The following IL1RAP variants were observed in gnomAD, a reference collection of about 807,000 sequenced individuals.
The protein encoded by IL1RAP is interleukin-1 receptor accessory protein.
A neutral mutation model predicts 60.7 loss-of-function variants in IL1RAP; 35 were observed. That is an observed-to-expected ratio of 0.58 (90% CI 0.44 to 0.76). The LOEUF is 0.76. IL1RAP is among the 30% of genes least tolerant of loss of function. The pLI is 0.00. For missense variants in IL1RAP, 572 were observed against 693.9 expected, an observed-to-expected ratio of 0.82 and a Z score of 1.97; for synonymous variants, 268 against 250.9, an observed-to-expected ratio of 1.07 and a Z score of -0.64.
intron 1 of IL1RAP, among the ~76,000 whole-genome samples, chr3:190,532,775 C>T (rs942603045): frequency 6.6e-6 from 1 of 150,840 alleles, no homozygotes; most frequent in African/African-American, 2.4e-5. Context: ...TTATAACAGG[C>T]GTTTAGTTAG....
chr3:190,555,286 T>G (rs1274864925), intron 1 of IL1RAP, among the ~76,000 whole-genome samples: 1 of 152,170 alleles, frequency 6.6e-6, no homozygotes, highest in Admixed American at 6.5e-5. Flanking sequence ...CCAAGTGATG[T>G]GCTCCTTCCT....
rs529386394 is a variant in IL1RAP at position 190,636,463 on chromosome 3, G to A, written c.1051+6965G>A. ...TTGACTCTTAAATTGTGAAATGTCC[G>A]TTTTTTCTCTGTTAATACTCTGTGT... On this transcript the variant is annotated intron_variant, in intron 9 of 11. Transcript: ENST00000447382. Among the ~76,000 whole-genome samples, 11 of 151,962 alleles carry A rather than the reference G, an allele frequency of 7.2e-5. No homozygotes were observed. In the South Asian group the frequency reaches 8.3e-4, roughly 11 times the overall value.
chr3:190,629,933 T>A, intron 9 of IL1RAP: 1 of 941,760 alleles, frequency 1.1e-6, no homozygotes, highest in Non-Finnish European at 1.3e-6. Context: ...CCTAAGACTT[T>A]CGGAATTTTT....
At chr3:190,633,189 C>A (rs1042944187) in intron 9 of IL1RAP, among the ~76,000 whole-genome samples, 2 of 152,092 alleles carry the variant, frequency 1.3e-5, no homozygotes, top group African/African-American at 4.8e-5. Flanking sequence ...AAATTGAAAT[C>A]TTAACAATAC....
intron 1 of IL1RAP, among the ~76,000 whole-genome samples, chr3:190,525,187 G>A (rs1229507462): frequency 6.6e-6 from 1 of 152,120 alleles, no homozygotes; most frequent in African/African-American, 2.4e-5. Context: ...AGAAGAAATA[G>A]AAGTGATTTC....
At chr3:190,658,115 G>A (rs190181959) in exon 12 of IL1RAP, 3 of 149,884 alleles carry the variant, frequency 2.0e-5, no homozygotes, top group African/African-American at 7.3e-5. Context: ...GTCACTAATT[G>A]AGCCCCAATG....
At chr3:190,618,019 C>T (rs1454268909) in intron 5 of IL1RAP, among the ~76,000 whole-genome samples, 1 of 152,188 alleles carries the variant, frequency 6.6e-6, no homozygotes, top group Non-Finnish European at 1.5e-5. Context: ...TTCTCATCCT[C>T]AAAAGTGTGC....
downstream of IL1RAP, chr3:190,656,172 T>C (rs1346880473): frequency 6.5e-7 from 1 of 1,537,284 alleles, no homozygotes; most frequent in Non-Finnish European, 8.7e-7. Context: ...TGCGGTTGGC[T>C]CTTCCCCTGA....
chr3:190,556,273 TAA>T (rs1276450391), intron 2 of IL1RAP, 57 bp downstream of exon 2: 1 of 152,108 alleles, frequency 6.6e-6, no homozygotes, highest in Non-Finnish European at 1.5e-5. Context: ...TTATCGACTT[TAA>T]GTTCTCTACC....
intron 1 of IL1RAP, among the ~76,000 whole-genome samples, chr3:190,536,859 A>G (rs1028021594): frequency 6.6e-6 from 1 of 152,178 alleles, no homozygotes; most frequent in Non-Finnish European, 1.5e-5. Context: ...AGCATCTTTT[A>G]TATACACATA....
intron 1 of IL1RAP, among the ~76,000 whole-genome samples, chr3:190,529,815 G>C (rs936750027): frequency 6.8e-6 from 1 of 148,072 alleles, no homozygotes; most frequent in Non-Finnish European, 1.5e-5. Context: ...AGATCACAGC[G>C]CCACTGCACT....
At chr3:190,582,610 C>T (rs562118374) in intron 3 of IL1RAP, among the ~76,000 whole-genome samples, 2 of 152,258 alleles carry the variant, frequency 1.3e-5, no homozygotes, top group South Asian at 4.1e-4. Context: ...AGCCACCCTG[C>T]CTGGCACATT....
intron 9 of IL1RAP, 109 bp downstream of exon 9, chr3:190,629,607 G>T (rs1732609000): frequency 6.9e-7 from 1 of 1,440,482 alleles, no homozygotes; most frequent in Non-Finnish European, 9.1e-7. Flanking sequence ...TAGCCCGACG[G>T]CATCTAACCC....
At chr3:190,514,423 C>G (rs533541999) in intron 1 of IL1RAP, among the ~76,000 whole-genome samples, 7 of 152,334 alleles carry the variant, frequency 4.6e-5, no homozygotes, top group Non-Finnish European at 7.3e-5. Flanking sequence ...AGAGACCCAT[C>G]TTTGCTTTGC....
Position 190,650,943 on chromosome 3 carries a change from C to A in IL1RAP, c.*2238C>A, listed in dbSNP as rs548636583. 1.0e-6 allele frequency: 1 copy of A among 984,984 alleles called. No individual in the cohort carries two copies. The highest frequency in any genetic ancestry group is 1.2e-6 in the Non-Finnish European group (1 of 829,660). 61.0% of individuals were successfully genotyped at this position (984,984 alleles called of 1,614,324 possible). ...TATTTATCCCAAATGCTGTTGGGCA[C>A]CCCTAGAAATACCTTGATGTTTTTT... On this transcript the variant is annotated 3_prime_UTR_variant, in exon 12 of 12. Transcript: ENST00000447382.
intron 8 of IL1RAP, among the ~76,000 whole-genome samples, chr3:190,629,118 T>C (rs1370043088): frequency 2.6e-5 from 4 of 152,184 alleles, no homozygotes; most frequent in Non-Finnish European, 5.9e-5. Context: ...GAAGCCAGTA[T>C]TGGGATTTGG....
At chr3:190,529,986 C>T (rs143910773) in intron 1 of IL1RAP, among the ~76,000 whole-genome samples, 163 of 152,148 alleles carry the variant, frequency 1.1e-3, no homozygotes, top group African/African-American at 3.8e-3. Context: ...CTAGACAGAC[C>T]CTCTGAATAA....
chr3:190,573,399 A>G (rs922454847), intron 3 of IL1RAP, among the ~76,000 whole-genome samples: 6 of 152,204 alleles, frequency 3.9e-5, no homozygotes, highest in Admixed American at 6.5e-5. Flanking sequence ...GTAGAAACCC[A>G]ACCAATCTAT....
At chr3:190,610,995 C>T (rs1421403559) in intron 5 of IL1RAP, among the ~76,000 whole-genome samples, 1 of 152,254 alleles carries the variant, frequency 6.6e-6, no homozygotes, top group East Asian at 1.9e-4. Context: ...AGTTTATTAT[C>T]TTGAAAACTG....
Sources: gnomAD v4.1 joint callset for allele counts (sites outside exome capture counted in the v4.1 genomes callset) on GRCh38, gnomAD v4.1.1 for gene constraint, MANE v1.5 for transcripts, NCBI Gene and HGNC (gene_info 2026-07-23, HGNC 2026-07-21) for gene names.